GRIN2A: variants seen among roughly 807,000 people sequenced by gnomAD.
GRIN2A encodes the protein glutamate ionotropic receptor NMDA type subunit 2A, also known as glutamate receptor ionotropic, NMDA 2A.
GRIN2A carries 22 observed loss-of-function variants against 113.4 expected under a neutral mutation model. That is an observed-to-expected ratio of 0.19 (90% CI 0.14 to 0.28). The LOEUF (loss-of-function observed/expected upper bound fraction) is 0.28, where lower values mean the gene tolerates loss of function less well. GRIN2A is among the 10% of genes least tolerant of loss of function. The pLI, the probability that GRIN2A is intolerant of heterozygous loss-of-function variation, is 1.00. For missense variants in GRIN2A, 1,502 were observed against 1,887.0 expected, an observed-to-expected ratio of 0.80 and a Z score of 3.78; for synonymous variants, 827 against 738.4, an observed-to-expected ratio of 1.12 and a Z score of -1.94.
chr16:9,860,209 A>G (rs2141395241), intron 4 of GRIN2A, among the ~76,000 whole-genome samples: 1 of 152,004 alleles, frequency 6.6e-6, no homozygotes, highest in Middle Eastern at 3.4e-3. Flanking sequence ...TAATCCCAGC[A>G]CTTCGGGAAG....
At chr16:9,804,351 T>C (rs1596439990) in intron 10 of GRIN2A, among the ~76,000 whole-genome samples, 1 of 152,022 alleles carries the variant, frequency 6.6e-6, no homozygotes, top group Non-Finnish European at 1.5e-5. Context: ...GAGGGGCTGG[T>C]TCCTTAGAAC....
chr16:10,085,618 T>C (rs1051384531), intron 2 of GRIN2A, among the ~76,000 whole-genome samples: 3 of 152,116 alleles, frequency 2.0e-5, no homozygotes, highest in African/African-American at 7.2e-5. Flanking sequence ...GTCAAACCTG[T>C]ATAAAGCGAG....
intron 2 of GRIN2A, among the ~76,000 whole-genome samples, chr16:10,056,969 C>T (rs1457735922): frequency 2.0e-5 from 3 of 152,174 alleles, no homozygotes; most frequent in Admixed American, 1.3e-4. Flanking sequence ...ATCTCTCCAA[C>T]CCCCAGCCAG....
intron 2 of GRIN2A, among the ~76,000 whole-genome samples, chr16:10,077,703 C>G (rs1038933298): frequency 3.9e-5 from 6 of 152,222 alleles, no homozygotes; most frequent in African/African-American, 1.4e-4. Context: ...CATCCCCAAG[C>G]CAGCTTGGCC....
At chr16:10,129,109 T>C (rs1187402281) in intron 2 of GRIN2A, among the ~76,000 whole-genome samples, 2 of 152,146 alleles carry the variant, frequency 1.3e-5, no homozygotes, top group African/African-American at 2.4e-5. Flanking sequence ...AGGGTCTCGC[T>C]CTGTTGCCCA....
intron 11 of GRIN2A, among the ~76,000 whole-genome samples, chr16:9,792,783 C>T (rs1007028123): frequency 2.0e-5 from 3 of 152,270 alleles, no homozygotes; most frequent in African/African-American, 2.4e-5. Flanking sequence ...GAAGATTAAA[C>T]GCTTCTCAAT....
intron 2 of GRIN2A, among the ~76,000 whole-genome samples, chr16:10,135,344 T>C (rs1364972116): frequency 6.6e-6 from 1 of 152,226 alleles, no homozygotes; most frequent in Non-Finnish European, 1.5e-5. Context: ...ATGATTTAGG[T>C]AGTCTCTAAA....
At position 10,180,294 on chromosome 16, in the gene GRIN2A, G is replaced by T. The variant is rs768360948; in HGVS notation, c.118C>A (p.Leu40Met). 6.2e-7 allele frequency: 1 copy of T among 1,612,676 alleles called. No homozygotes were observed. The highest frequency in any genetic ancestry group is 8.5e-7 in the Non-Finnish European group (1 of 1,179,986). Residue 40 changes from leucine to methionine, a missense_variant, in exon 2 of 13, where the codon CTG becomes ATG. Leu to Met is a conservative substitution (Grantham distance 15). Transcript: ENST00000330684. This position sits in a 1 kb window ranked among gnomAD's most constrained non-coding sequence, Gnocchi z 7.0. ...TCTGTCACGTCGTGGCTGTGACCCA[G>T]CATCACCGCAATATTTAGCGCGGGG... ...GPPALNIAVM[L>M]GHSHDVTERE...
rs866675393 is a variant in GRIN2A, at chr16:9,774,576, A to G, written c.2357-5487T>C. 9.3e-4 allele frequency among the ~76,000 whole-genome samples: 142 copies of G among 152,376 alleles called. 1 individual carries two copies. The highest frequency in any genetic ancestry group is 3.1e-3 in the African/African-American group (131 of 41,596). On this transcript the variant is annotated intron_variant, in intron 11 of 12. Coordinates refer to ENST00000330684, the MANE Select transcript of GRIN2A (RefSeq NM_001134407.3). Reference sequence around the variant, plus strand: ...TAAAATAGACTGTCCTTCAGGTACTATACTAGAGTTTAAAAAAATTAACTC... The same window carrying G: ...TAAAATAGACTGTCCTTCAGGTACTGTACTAGAGTTTAAAAAAATTAACTC...
At chr16:9,922,764 G>A (rs2044381823) in intron 3 of GRIN2A, among the ~76,000 whole-genome samples, 1 of 148,112 alleles carries the variant, frequency 6.8e-6, no homozygotes, top group Non-Finnish European at 1.5e-5. Flanking sequence ...TTATTTAGAA[G>A]TTTGTTATTT....
intron 4 of GRIN2A, among the ~76,000 whole-genome samples, chr16:9,880,786 CG>C (rs560587232): frequency 6.6e-4 from 101 of 152,310 alleles, no homozygotes; most frequent in African/African-American, 2.3e-3. Context: ...TGCTTATTCT[CG>C]TGAGACCTTG....
At chr16:9,964,017 G>T (rs367823429) in intron 2 of GRIN2A, among the ~76,000 whole-genome samples, 4 of 152,324 alleles carry the variant, frequency 2.6e-5, no homozygotes, top group African/African-American at 7.2e-5. Context: ...AGGGCATGTG[G>T]TGTCTTGATG....
At chr16:10,070,053 G>A (rs2047720858) in intron 2 of GRIN2A, among the ~76,000 whole-genome samples, 1 of 152,140 alleles carries the variant, frequency 6.6e-6, no homozygotes. Context: ...CACTCCAGCA[G>A]CTCTAGAATT....
intron 3 of GRIN2A, among the ~76,000 whole-genome samples, chr16:9,919,786 C>G (rs1177104297): frequency 6.6e-6 from 1 of 152,210 alleles, no homozygotes; most frequent in African/African-American, 2.4e-5. Context: ...CAAATGCATG[C>G]TCCTCTGGCT....
intron 2 of GRIN2A, among the ~76,000 whole-genome samples, chr16:10,153,243 T>C (rs2049621548): frequency 6.6e-6 from 1 of 152,190 alleles, no homozygotes. Flanking sequence ...TTCTGTTCAA[T>C]TTTGCTGTGA....
intron 2 of GRIN2A, among the ~76,000 whole-genome samples, chr16:10,073,226 G>C (rs2047795858): frequency 6.6e-6 from 1 of 152,110 alleles, no homozygotes; most frequent in Admixed American, 6.5e-5. Flanking sequence ...AAAATGCTGG[G>C]ATTACAGGTG....
At chr16:10,040,166 G>C (rs910128685) in intron 2 of GRIN2A, among the ~76,000 whole-genome samples, 3 of 13,058 alleles carry the variant, frequency 2.3e-4, no homozygotes, top group Non-Finnish European at 3.0e-4. Context: ...ACTTCACTCA[G>C]TGCACATGCA....
chr16:10,136,985 TAG>T (rs1163589404), intron 2 of GRIN2A, among the ~76,000 whole-genome samples: 1 of 152,202 alleles, frequency 6.6e-6, no homozygotes, highest in Non-Finnish European at 1.5e-5. Context: ...TTAAGATCAC[TAG>T]AGACATCTGG....
At chr16:9,822,117 A>C in intron 10 of GRIN2A, 147 bp downstream of exon 10, 1 of 837,874 alleles carries the variant, frequency 1.2e-6, no homozygotes, top group South Asian at 1.4e-5. Context: ...GATTAACAAA[A>C]ACTGCCCTCA....
Sources: gnomAD v4.1 joint callset for allele counts (sites outside exome capture counted in the v4.1 genomes callset) on GRCh38, gnomAD v4.1.1 for gene constraint, Gnocchi (gnomAD v3.1) non-coding constraint, MANE v1.5 for transcripts, NCBI Gene and HGNC (gene_info 2026-07-23, HGNC 2026-07-21) for gene names.